The following PNPLA1 variants were observed in gnomAD, a reference collection of about 807,000 sequenced individuals.
The protein encoded by PNPLA1 is patatin like domain 1, omega-hydroxyceramide transacylase.
PNPLA1 carries 36 observed loss-of-function variants against 51.7 expected under a neutral mutation model. That is an observed-to-expected ratio of 0.70 (90% CI 0.53 to 0.92). The LOEUF is 0.92. Among genes scored for constraint, PNPLA1 ranks in the 40% least tolerant of loss-of-function variants. PNPLA1 has a pLI of 0.00. For synonymous variants in PNPLA1, 293 were observed against 280.1 expected, an observed-to-expected ratio of 1.05 and a Z score of -0.46; for missense variants, 658 against 682.5, an observed-to-expected ratio of 0.96 and a Z score of 0.40.
At chr6:36,274,162 A>G (rs1416549412) in intron 1 of PNPLA1, among the ~76,000 whole-genome samples, 3 of 152,144 alleles carry the variant, frequency 2.0e-5, no homozygotes, top group Non-Finnish European at 4.4e-5. Flanking sequence ...CCAGGTGAAA[A>G]CTGTTATTAT....
intron 6 of PNPLA1, among the ~76,000 whole-genome samples, chr6:36,304,993 T>C (rs1771187481): frequency 6.6e-6 from 1 of 152,184 alleles, no homozygotes; most frequent in Non-Finnish European, 1.5e-5. Context: ...TTAGTGTCAA[T>C]AGCATGTACT....
intron 1 of PNPLA1, among the ~76,000 whole-genome samples, chr6:36,278,363 C>T (rs1770175013): frequency 6.6e-6 from 1 of 152,180 alleles, no homozygotes; most frequent in Admixed American, 6.5e-5. Context: ...TATAGTTTCC[C>T]TGGCTCTTGG....
intron 3 of PNPLA1, 115 bp downstream of exon 3, chr6:36,293,241 G>A (rs1770747530): frequency 9.7e-7 from 1 of 1,036,180 alleles, no homozygotes; most frequent in Admixed American, 2.2e-5. Flanking sequence ...AGGACCTAGA[G>A]TTGGAGAGTT....
In PNPLA1 at chr6:36,293,064, C is replaced by T; in HGVS notation, c.442C>T (p.Leu148=). Residue 148 remains leucine, a synonymous_variant, in exon 3 of 9, where the codon CTA becomes TTA. Coordinates refer to ENST00000636260, the MANE Select transcript of PNPLA1 (RefSeq NM_001374623.1). ...CAGCCCTGTTCTCTCCGCACAGGCCCTATACTGCAGCTGCTTCGTCCCGGT... is the reference window on the plus strand; with the variant it reads ...CAGCCCTGTTCTCTCCGCACAGGCCTTATACTGCAGCTGCTTCGTCCCGGT... The part of the protein sequence containing the change: ...FTSKEELIEA[L]YCSCFVPVYC... 1 of 1,613,986 alleles carries T rather than the reference C, an allele frequency of 6.2e-7. No homozygotes were observed. The highest frequency in any genetic ancestry group is 2.2e-5 in the East Asian group (1 of 44,872).
intron 1 of PNPLA1, among the ~76,000 whole-genome samples, chr6:36,262,388 T>A (rs368778879): frequency 1.2e-4 from 18 of 152,344 alleles, no homozygotes; most frequent in African/African-American, 3.8e-4. Context: ...CCATTTCTAA[T>A]AATTCAATTT....
chr6:36,281,488 C>G (rs1342485249), intron 1 of PNPLA1, among the ~76,000 whole-genome samples: 1 of 152,166 alleles, frequency 6.6e-6, no homozygotes, highest in Non-Finnish European at 1.5e-5. Flanking sequence ...CTCTAATCCC[C>G]TCACAACCCT....
At chr6:36,274,887 TATC>T (rs1285827425) in intron 1 of PNPLA1, among the ~76,000 whole-genome samples, 1 of 152,228 alleles carries the variant, frequency 6.6e-6, no homozygotes, top group African/African-American at 2.4e-5. Context: ...CCTACTGAGT[TATC>T]TTTTTCCTTT....
chr6:36,311,280 G>A (rs1012282086), intron 8 of PNPLA1, among the ~76,000 whole-genome samples: 5 of 152,246 alleles, frequency 3.3e-5, no homozygotes, highest in African/African-American at 1.2e-4. Flanking sequence ...TGGAGGTGTG[G>A]AAGATGAGCA....
chr6:36,281,447 C>A (rs1187096771), intron 1 of PNPLA1, among the ~76,000 whole-genome samples: 26 of 152,188 alleles, frequency 1.7e-4, no homozygotes, highest in Admixed American at 1.6e-3. Flanking sequence ...TGTGCCAGGT[C>A]CCGTGCTAAG....
At position 36,313,298 on chromosome 6, in the gene PNPLA1, T is replaced by TAAA. The variant is rs1478018189; in HGVS notation, c.*1414_*1415insAAA. Among the ~76,000 whole-genome samples, 1 of 151,876 alleles carries TAAA rather than the reference T, an allele frequency of 6.6e-6. No homozygotes were observed. Among genetic ancestry groups the TAAA allele is most frequent in the East Asian group, 1.9e-4 (1 of 5,174 alleles). On this transcript the variant is annotated 3_prime_UTR_variant, in exon 9 of 9. Transcript: ENST00000636260. Reference sequence around the variant, plus strand: ...CAATTTTTCCAGCCTGTCCAGAAAATAATTGCCCCCCTCCTCCCCAGAGAG... The same window carrying TAAA: ...CAATTTTTCCAGCCTGTCCAGAAAATAAAAATTGCCCCCCTCCTCCCCAGAGAG...
rs912820057 is a variant in PNPLA1, at chr6:36,302,881, T to C, written c.1384+412T>C. 5.3e-5 allele frequency among the ~76,000 whole-genome samples: 8 copies of C among 152,186 alleles called. No individual in the cohort carries two copies. In the East Asian group the frequency reaches 5.8e-4, roughly 11 times the overall value. On this transcript the variant is annotated intron_variant, in intron 6 of 8. Transcript: ENST00000636260. ...AGTAGATTTTTACTGTGAAACCTGC[T>C]GTGCTGGGCGTGCTACTCAAAGAGT... is the stretch of plus-strand genomic sequence containing the variant.
chr6:36,297,710 G>T (rs1429636167), intron 5 of PNPLA1, among the ~76,000 whole-genome samples: 1 of 152,250 alleles, frequency 6.6e-6, no homozygotes, highest in Non-Finnish European at 1.5e-5. Context: ...ACACAGATGT[G>T]TGAATGTGGG....
intron 1 of PNPLA1, among the ~76,000 whole-genome samples, chr6:36,257,401 CAT>C (rs1769554528): frequency 6.6e-6 from 1 of 152,234 alleles, no homozygotes; most frequent in South Asian, 2.1e-4. Context: ...TAAAGACCCA[CAT>C]TCCTTCTGTC....
chr6:36,247,183 T>C (rs1769308612), intron 1 of PNPLA1, among the ~76,000 whole-genome samples: 1 of 152,178 alleles, frequency 6.6e-6, no homozygotes, highest in African/African-American at 2.4e-5. Flanking sequence ...TCAAACCTCT[T>C]TCCGGCTCGT....
At chr6:36,274,253 G>A (rs944283805) in intron 1 of PNPLA1, among the ~76,000 whole-genome samples, 1 of 152,172 alleles carries the variant, frequency 6.6e-6, no homozygotes, top group Non-Finnish European at 1.5e-5. Flanking sequence ...ACTTGGTAAA[G>A]CTAGAATTCG....
At position 36,312,279 on chromosome 6, in the gene PNPLA1, A is replaced by G. The variant is rs964960507; in HGVS notation, c.*393A>G. On this transcript the variant is annotated 3_prime_UTR_variant, in exon 9 of 9. Coordinates refer to ENST00000636260, the MANE Select transcript of PNPLA1 (RefSeq NM_001374623.1). ...CACTTCAGCCCCATCCCCTTCCTAA[A>G]AAAACAAGTATCAGTTGAACTTTCA... 6.6e-6 allele frequency: 1 copy of G among 152,214 alleles called. No individual in the cohort carries two copies. The highest frequency in any genetic ancestry group is 1.5e-5 in the Non-Finnish European group (1 of 68,080). The allele number at this position is 152,214 out of a possible 1,614,324, so 9.4% of individuals were successfully genotyped here. A position where few individuals can be genotyped will look rare whatever the true frequency, so the allele number is the denominator to read the frequency against.
At chr6:36,293,715 T>C (rs914230184) in intron 3 of PNPLA1, among the ~76,000 whole-genome samples, 1 of 152,178 alleles carries the variant, frequency 6.6e-6, no homozygotes, top group South Asian at 2.1e-4. Flanking sequence ...ATTCAGGTAG[T>C]AGATGGAGCT....
intron 1 of PNPLA1, among the ~76,000 whole-genome samples, chr6:36,249,052 G>T (rs1031493487): frequency 1.3e-5 from 2 of 152,148 alleles, no homozygotes; most frequent in African/African-American, 4.8e-5. Flanking sequence ...CATTAGTGCT[G>T]CTTAGTTTTT....
At chr6:36,307,537 G>C (rs765499060) in intron 7 of PNPLA1, 50 bp from the exon 8 acceptor site, 2 of 1,595,138 alleles carry the variant, frequency 1.3e-6, no homozygotes, top group Admixed American at 3.4e-5. Context: ...CCATGTTGGA[G>C]GACCGAGGTC....
Sources: gnomAD v4.1 joint callset for allele counts (sites outside exome capture counted in the v4.1 genomes callset) on GRCh38, gnomAD v4.1.1 for gene constraint, MANE v1.5 for transcripts, NCBI Gene and HGNC (gene_info 2026-07-23, HGNC 2026-07-21) for gene names.